The following DMD variants were observed in gnomAD, a reference collection of about 807,000 sequenced individuals.
DMD encodes dystrophin.
A neutral mutation model predicts 330.1 loss-of-function variants in DMD; 63 were observed. The observed-to-expected ratio is 0.19, with a 90% CI of 0.16 to 0.24. DMD has a LOEUF of 0.24. Among genes scored for constraint, DMD ranks in the 10% least tolerant of loss-of-function variants. DMD has a pLI of 1.00. For missense variants in DMD, 3,344 were observed against 2,684.1 expected (o/e 1.25, Z -5.43); for synonymous variants, 1,223 against 959.8 (o/e 1.27, Z -5.07).
intron 60 of DMD, among the ~76,000 whole-genome samples, chrX:31,379,939 T>G (rs1446643455): frequency 9.0e-6 from 1 of 111,492 alleles, no homozygotes; most frequent in Non-Finnish European, 1.9e-5. Context: ...GCTCTCTGAC[T>G]CCTTCCCAGA....
chrX:31,663,758 T>G (rs1326613606), intron 53 of DMD, among the ~76,000 whole-genome samples: 1 of 110,993 alleles, frequency 9.0e-6, no homozygotes, highest in Non-Finnish European at 1.9e-5. Flanking sequence ...ACTTCAAACA[T>G]GAGTGTCTCT....
chrX:32,312,157 ATTAAT>A (rs1052401242), intron 41 of DMD, among the ~76,000 whole-genome samples: 4 of 111,301 alleles, frequency 3.6e-5, no homozygotes, highest in Non-Finnish European at 7.6e-5. Flanking sequence ...TCATTTATTT[ATTAAT>A]TTGTTTTGTT....
intron 1 of DMD, among the ~76,000 whole-genome samples, chrX:33,037,533 T>G (rs1014244478): frequency 6.3e-5 from 7 of 111,518 alleles, no homozygotes; most frequent in African/African-American, 2.3e-4. Flanking sequence ...AACTTTCAAT[T>G]CATGCCAATT....
chrX:33,067,665 A>G (rs995549061), intron 1 of DMD, among the ~76,000 whole-genome samples: 3 of 110,925 alleles, frequency 2.7e-5, no homozygotes, highest in Non-Finnish European at 3.8e-5. Context: ...ACATGGTGAA[A>G]TCCCATCTCT....
chrX:33,086,713 G>A lies in DMD; in HGVS notation c.32-66513C>T, dbSNP rs1224943313. ...CAAGCTGTTAGATTTTAAAGTGTAT[G>A]TTAAAAAATATTTAAACTATAATAT... On this transcript the variant is annotated intron_variant, in intron 1 of 78. Transcript: ENST00000357033. Among the ~76,000 whole-genome samples the A allele has an allele frequency of 8.2e-5, 9 of 109,605 alleles. No homozygotes were observed. In the Admixed American group the frequency reaches 8.9e-4, roughly 11 times the overall value.
chrX:32,501,888 A>T, intron 18 of DMD, 46 bp from the exon 19 acceptor site: 1 of 942,150 alleles, frequency 1.1e-6, no homozygotes, highest in Non-Finnish European at 1.5e-6. Context: ...AAGGACTGTG[A>T]ATCTACACAA....
Position 33,094,338 on chromosome X carries a change from C to G in DMD, c.32-74138G>C, listed in dbSNP as rs184121110. On this transcript the variant is annotated intron_variant, in intron 1 of 78. Coordinates refer to ENST00000357033, the MANE Select transcript of DMD (RefSeq NM_004006.3). ...TGAACTTACAGTCTTTTGAGAAAGA[C>G]AAGGCAATAGTTTCAGCATGACTTG... Among the ~76,000 whole-genome samples the G allele has an allele frequency of 6.3e-4, 70 of 110,813 alleles. No individual in the cohort carries two copies. The Admixed American group carries it at 6.5e-3, about 10-fold the overall frequency.
At chrX:32,756,342 C>T (rs1353911242) in intron 7 of DMD, 2 of 111,899 alleles carry the variant, frequency 1.8e-5, no homozygotes, top group African/African-American at 3.2e-5. Flanking sequence ...TTACTTTATA[C>T]TTGCTTCTAC....
At chrX:31,862,274 A>G (rs2093720197) in intron 48 of DMD, among the ~76,000 whole-genome samples, 1 of 110,122 alleles carries the variant, frequency 9.1e-6, no homozygotes, top group East Asian at 2.8e-4. Context: ...CTGGGATTAG[A>G]GGCACTCACC....
chrX:31,549,824 T>A (rs1174380605), intron 55 of DMD, among the ~76,000 whole-genome samples: 1 of 112,326 alleles, frequency 8.9e-6, no homozygotes, highest in East Asian at 2.8e-4. Flanking sequence ...TTTAAAAGAA[T>A]CGTTTATGAG....
chrX:31,332,076 T>C (rs1426741584), intron 61 of DMD, among the ~76,000 whole-genome samples: 1 of 112,434 alleles, frequency 8.9e-6, no homozygotes, highest in African/African-American at 3.2e-5. Context: ...GTGTGCTTCC[T>C]AGCTCCTTGA....
At chrX:32,518,986 T>C (rs1334885753) in intron 17 of DMD, among the ~76,000 whole-genome samples, 1 of 104,303 alleles carries the variant, frequency 9.6e-6, no homozygotes, top group Admixed American at 1.1e-4. Context: ...CCTATCCTGT[T>C]ATTTTCAAAC....
At chrX:32,449,631 T>C (rs777215706) in intron 26 of DMD, among the ~76,000 whole-genome samples, 12 of 107,973 alleles carry the variant, frequency 1.1e-4, no homozygotes, top group South Asian at 8.4e-4. Context: ...CCATGTTGTG[T>C]ATTCTCCCTC....
At chrX:32,902,158 AAC>A (rs774414536) in intron 2 of DMD, among the ~76,000 whole-genome samples, 2,485 of 86,518 alleles carry the variant, frequency 0.029, 88 homozygotes, top group African/African-American at 0.08. Context: ...CACACACACA[AAC>A]ACACACACAC....
chrX:33,105,079 T>G (rs1156932251), intron 1 of DMD, among the ~76,000 whole-genome samples: 1 of 112,163 alleles, frequency 8.9e-6, no homozygotes, highest in African/African-American at 3.2e-5. Flanking sequence ...CGTCTATTCC[T>G]ACATAGACCA....
At chrX:31,476,257 C>T (rs187476024) in intron 59 of DMD, among the ~76,000 whole-genome samples, 1 of 106,026 alleles carries the variant, frequency 9.4e-6, no homozygotes, top group Non-Finnish European at 1.9e-5. Context: ...AAGTAGACAA[C>T]GTAGGGGGAT....
chrX:32,233,517 A>G (rs1364281412), intron 43 of DMD, among the ~76,000 whole-genome samples: 1 of 89,660 alleles, frequency 1.1e-5, no homozygotes, highest in Non-Finnish European at 2.3e-5. Context: ...ATCTTTCACA[A>G]TACAATAAAT....
At chrX:32,793,792 G>C (rs1157257098) in intron 7 of DMD, among the ~76,000 whole-genome samples, 1 of 111,347 alleles carries the variant, frequency 9.0e-6, no homozygotes, top group Non-Finnish European at 1.9e-5. Flanking sequence ...GACAGTCCAG[G>C]ACCAGATGTC....
At chrX:32,973,358 G>T (rs2092447170) in intron 2 of DMD, among the ~76,000 whole-genome samples, 1 of 112,016 alleles carries the variant, frequency 8.9e-6, no homozygotes, top group Admixed American at 9.5e-5. Flanking sequence ...GGAAAGGTAG[G>T]GTCTATGTCC....
Sources: gnomAD v4.1 joint callset for allele counts (sites outside exome capture counted in the v4.1 genomes callset) on GRCh38, gnomAD v4.1.1 for gene constraint, MANE v1.5 for transcripts, NCBI Gene and HGNC (gene_info 2026-07-23, HGNC 2026-07-21) for gene names.